AGMO: variants seen among roughly 807,000 people sequenced by gnomAD.
AGMO encodes the protein alkylglycerol monooxygenase, also known as glyceryl-ether monooxygenase.
A neutral mutation model predicts 60.2 loss-of-function variants in AGMO; 75 were observed. That is an observed-to-expected ratio of 1.25 (90% CI 1.03 to 1.51). AGMO has a LOEUF of 1.51. Among genes scored for constraint, AGMO ranks in the 40% most tolerant of loss-of-function variants. The probability of loss-of-function intolerance (pLI) is 0.00; values close to 1 mark genes in which losing one functional copy is unlikely to be tolerated. For synonymous variants in AGMO, 261 were observed against 177.1 expected (o/e 1.47, Z -3.76); for missense variants, 763 against 525.5 (o/e 1.45, Z -4.42).
chr7:15,536,808 T>C (rs1784494378), intron 3 of AGMO, among the ~76,000 whole-genome samples: 1 of 152,000 alleles, frequency 6.6e-6, no homozygotes, highest in African/African-American at 2.4e-5. Context: ...CTTTTAGTAA[T>C]TCACACAGCC....
At chr7:15,135,802 T>A in the AGMO span, among the ~76,000 whole-genome samples, 1 of 151,476 alleles carries the variant, frequency 6.6e-6, no homozygotes, top group Non-Finnish European at 1.5e-5. Flanking sequence ...TGCATTAATA[T>A]TCCCATAGGA....
chr7:15,320,276 AAAATAAAT>A (rs202162685), intron 12 of AGMO, among the ~76,000 whole-genome samples: 66 of 149,566 alleles, frequency 4.4e-4, no homozygotes, highest in African/African-American at 1.7e-3. Flanking sequence ...ATATACACAT[AAAATAAAT>A]AAATAAATAA....
chr7:15,253,727 T>C (rs1003172971), intron 12 of AGMO, among the ~76,000 whole-genome samples: 3 of 152,266 alleles, frequency 2.0e-5, no homozygotes, highest in African/African-American at 7.2e-5. Flanking sequence ...CTTCTAGCTA[T>C]TTGAAATATA....
intron 4 of AGMO, among the ~76,000 whole-genome samples, chr7:15,424,568 A>C (rs541907348): frequency 1.3e-5 from 2 of 152,340 alleles, no homozygotes; most frequent in South Asian, 4.1e-4. Context: ...ATGACTTTGA[A>C]TATTTCTGTA....
At chr7:15,386,853 G>T (rs1289783343) in intron 9 of AGMO, among the ~76,000 whole-genome samples, 2 of 152,014 alleles carry the variant, frequency 1.3e-5, no homozygotes, top group African/African-American at 4.8e-5. Context: ...TTTTCATTTG[G>T]GTTCTGCTGT....
chr7:15,292,751 C>CTTTTTTTT (rs765222435), intron 12 of AGMO, among the ~76,000 whole-genome samples: 7 of 95,126 alleles, frequency 7.4e-5, no homozygotes, highest in African/African-American at 2.3e-4. Context: ...TTTTTTTTTC[C>CTTTTTTTT]TTTTTTTTTT....
intron 12 of AGMO, among the ~76,000 whole-genome samples, chr7:15,234,092 C>T (rs6954271): frequency 2.9e-4 from 44 of 152,090 alleles, no homozygotes; most frequent in African/African-American, 9.6e-4. Context: ...AAGAACAGGT[C>T]GAAATAAATC....
the AGMO span, among the ~76,000 whole-genome samples, chr7:15,154,631 T>C: frequency 6.6e-6 from 1 of 152,226 alleles, no homozygotes; most frequent in Admixed American, 6.5e-5. Flanking sequence ...TGTGAAGATT[T>C]GATCATGTGA....
chr7:15,356,572 A>G (rs1002038647), intron 12 of AGMO, among the ~76,000 whole-genome samples: 3 of 152,098 alleles, frequency 2.0e-5, no homozygotes, highest in Non-Finnish European at 2.9e-5. Context: ...ATAAGCACAA[A>G]GTACAAAATA....
At chr7:15,183,943 T>G in the AGMO span, among the ~76,000 whole-genome samples, 1 of 152,338 alleles carries the variant, frequency 6.6e-6, no homozygotes, top group Admixed American at 6.5e-5. Flanking sequence ...AGCACAGTTT[T>G]CTATAAAGTG....
chr7:15,306,893 CTT>C (rs1018828015), intron 12 of AGMO, among the ~76,000 whole-genome samples: 2 of 151,790 alleles, frequency 1.3e-5, no homozygotes, highest in Non-Finnish European at 2.9e-5. Context: ...GTAATGAACT[CTT>C]TGTATAAAAT....
intron 3 of AGMO, among the ~76,000 whole-genome samples, chr7:15,464,269 T>A (rs1338304317): frequency 6.6e-6 from 1 of 152,190 alleles, no homozygotes; most frequent in African/African-American, 2.4e-5. Flanking sequence ...AAACATGTAA[T>A]CTTAGCTAGA....
intron 10 of AGMO, among the ~76,000 whole-genome samples, chr7:15,380,366 A>G (rs1562472751): frequency 6.6e-6 from 1 of 152,148 alleles, no homozygotes; most frequent in Non-Finnish European, 1.5e-5. Context: ...TACACCAATG[A>G]CAGTCAAACT....
intron 12 of AGMO, among the ~76,000 whole-genome samples, chr7:15,345,689 T>C (rs1782008109): frequency 6.6e-6 from 1 of 152,162 alleles, no homozygotes; most frequent in South Asian, 2.1e-4. Flanking sequence ...CCTAAGTTCT[T>C]TATACACAGA....
At chr7:15,498,007 C>T (rs1022831050) in intron 3 of AGMO, among the ~76,000 whole-genome samples, 44 of 152,000 alleles carry the variant, frequency 2.9e-4, no homozygotes, top group African/African-American at 1.0e-3. Context: ...TCAAGTTATA[C>T]TATGTATACT....
chr7:15,376,495 C>T (rs1040105418), intron 10 of AGMO, among the ~76,000 whole-genome samples: 3 of 151,928 alleles, frequency 2.0e-5, no homozygotes, highest in African/African-American at 4.8e-5. Flanking sequence ...AATTAAAAAC[C>T]ATAAAAATGT....
intron 3 of AGMO, among the ~76,000 whole-genome samples, chr7:15,519,301 A>G (rs1436111680): frequency 6.6e-6 from 1 of 152,042 alleles, no homozygotes; most frequent in Non-Finnish European, 1.5e-5. Flanking sequence ...CAGGAAATAC[A>G]GAGAACACCA....
rs1197254642 is a variant in AGMO at position 15,529,830 on chromosome 7, T to G, written c.409+14942A>C. Among the ~76,000 whole-genome samples, 5 of 86,790 alleles carry G rather than the reference T, an allele frequency of 5.8e-5. 2 individuals carry two copies. The highest frequency in any genetic ancestry group is 2.5e-4 in the African/African-American group (5 of 20,290). The allele number at this position is 86,790 out of a possible 152,430, so 56.9% of individuals were successfully genotyped here. ...TATTCTATATATATATTTCCATATA[T>G]ATTCTATATACATATTTCCATATAG... On this transcript the variant is annotated intron_variant, in intron 3 of 12. Transcript: ENST00000342526.
intron 12 of AGMO, among the ~76,000 whole-genome samples, chr7:15,224,246 C>G (rs2128497748): frequency 6.6e-6 from 1 of 152,108 alleles, no homozygotes; most frequent in East Asian, 1.9e-4. Context: ...CCAAATCTTT[C>G]ACCTCTGTTG....
Sources: gnomAD v4.1 joint callset for allele counts (sites outside exome capture counted in the v4.1 genomes callset) on GRCh38, gnomAD v4.1.1 for gene constraint, MANE v1.5 for transcripts, NCBI Gene and HGNC (gene_info 2026-07-23, HGNC 2026-07-21) for gene names.